CUX1: variants seen among roughly 807,000 people sequenced by gnomAD.
CUX1 encodes cut like homeobox 1, also known as protein CASP.
Under a neutral mutation model 158.8 loss-of-function variants are expected in CUX1, and 31 were observed. That is an observed-to-expected ratio of 0.20 (90% CI 0.15 to 0.26). The LOEUF is 0.26. Among genes scored for constraint, CUX1 ranks in the 10% least tolerant of loss-of-function variants. CUX1 has a pLI of 1.00. For synonymous variants in CUX1, 879 were observed against 862.1 expected, an observed-to-expected ratio of 1.02 and a Z score of -0.34; for missense variants, 1,589 against 2,014.6, an observed-to-expected ratio of 0.79 and a Z score of 4.04.
chr7:101,875,728 G>T (rs1055436793), intron 1 of CUX1, among the ~76,000 whole-genome samples: 1 of 152,144 alleles, frequency 6.6e-6, no homozygotes, highest in Non-Finnish European at 1.5e-5. Context: ...TGCCCCTTCC[G>T]GGAGCTCTGC....
Position 102,249,079 on chromosome 7 carries a change from C to T in CUX1, c.*37C>T, listed in dbSNP as rs1194868768. 7.2e-6 allele frequency: 9 copies of T among 1,250,710 alleles called. No homozygotes were observed. Among genetic ancestry groups the T allele is most frequent in the Non-Finnish European group, 8.1e-6 (8 of 990,398 alleles). 77.5% of individuals were successfully genotyped at this position (1,250,710 alleles called of 1,614,324 possible). ...CCTGGGGCGGGCAGCCAGGCTGGGC[C>T]GCAAGGGCCTGGACGGGGTCGGACG... On this transcript the variant is annotated 3_prime_UTR_variant, in exon 24 of 24. Transcript: ENST00000292535.
chr7:102,222,809 A>ACCTTTTTTTTTTTT (rs1797939252), intron 20 of CUX1, among the ~76,000 whole-genome samples: 1 of 23,280 alleles, frequency 4.3e-5, no homozygotes, highest in African/African-American at 1.6e-4. Context: ...GGGGCACCGT[A>ACCTTTTTTTTTTTT]TCTTTTTTTT....
At chr7:102,219,093 C>T (rs1440804135) in intron 20 of CUX1, among the ~76,000 whole-genome samples, 1 of 151,426 alleles carries the variant, frequency 6.6e-6, no homozygotes, top group Non-Finnish European at 1.5e-5. Flanking sequence ...CACACACACA[C>T]ACTATGGCTA....
chr7:102,103,623 GC>G (rs1830016249), intron 5 of CUX1, among the ~76,000 whole-genome samples: 1 of 152,078 alleles, frequency 6.6e-6, no homozygotes, highest in South Asian at 2.1e-4. Context: ...TTTTGTAGAG[GC>G]GGGGCTCGCT....
At chr7:101,836,411 C>T (rs937017664) in intron 1 of CUX1, among the ~76,000 whole-genome samples, 2 of 151,824 alleles carry the variant, frequency 1.3e-5, no homozygotes, top group African/African-American at 4.8e-5. Context: ...CCCATCTCTA[C>T]AAAAAAAATG....
intron 11 of CUX1, among the ~76,000 whole-genome samples, chr7:102,182,355 A>C (rs1279179308): frequency 6.6e-6 from 1 of 152,224 alleles, no homozygotes; most frequent in Non-Finnish European, 1.5e-5. Context: ...CTGTAGTTGG[A>C]TATATCAGAG....
chr7:102,185,595 G>GT (rs1554515027), intron 11 of CUX1, among the ~76,000 whole-genome samples: 86 of 149,266 alleles, frequency 5.8e-4, no homozygotes, highest in South Asian at 1.1e-3. Context: ...AATGTTTTGG[G>GT]GTTTTTTTTT....
At position 102,256,095 on chromosome 7, in the gene CUX1, C is replaced by T. The variant is rs1554541911; in HGVS notation, c.*7053C>T. 1.0e-6 allele frequency: 1 copy of T among 985,376 alleles called. No individual in the cohort carries two copies. The highest frequency in any genetic ancestry group is 1.2e-6 in the Non-Finnish European group (1 of 829,968). The allele number at this position is 985,376 out of a possible 1,614,324, so 61.0% of individuals were successfully genotyped here. A position where few individuals can be genotyped will look rare whatever the true frequency, so the allele number is the denominator to read the frequency against. On this transcript the variant is annotated 3_prime_UTR_variant, in exon 24 of 24. Transcript: ENST00000292535. ...AGTCTCCCAGCCTGCCTCTTGGTGA[C>T]CACTGTGCTGGGCGTGCAGGGCCCG...
chr7:101,927,436 C>A (rs1365166253), intron 2 of CUX1, among the ~76,000 whole-genome samples: 2 of 151,956 alleles, frequency 1.3e-5, no homozygotes, highest in Middle Eastern at 3.2e-3. Flanking sequence ...GGTGGGAGGA[C>A]TGCTTGAGAC....
At chr7:102,038,686 C>A (rs1347591072) in intron 3 of CUX1, among the ~76,000 whole-genome samples, 1 of 152,162 alleles carries the variant, frequency 6.6e-6, no homozygotes, top group East Asian at 1.9e-4. Context: ...GGTGCGGTGG[C>A]TCATGCCTGT....
At chr7:101,975,330 A>C (rs1157938754) in intron 2 of CUX1, among the ~76,000 whole-genome samples, 1 of 151,870 alleles carries the variant, frequency 6.6e-6, no homozygotes, top group Non-Finnish European at 1.5e-5. Flanking sequence ...AGGCTAAGGC[A>C]GGAGGAGCTT....
At chr7:102,226,353 G>C (rs1798346425) in intron 20 of CUX1, among the ~76,000 whole-genome samples, 1 of 152,136 alleles carries the variant, frequency 6.6e-6, no homozygotes, top group African/African-American at 2.4e-5. Context: ...GAAGAGCTGG[G>C]GAAACAGGGT....
chr7:102,282,980 C>A, intron 22 of CUX1: 3 of 1,519,496 alleles, frequency 2.0e-6, no homozygotes, highest in Non-Finnish European at 2.7e-6. Context: ...CCTTCCCCAA[C>A]ACACACACTC....
At chr7:102,195,030 T>C (rs929488566) in intron 13 of CUX1, among the ~76,000 whole-genome samples, 1 of 150,524 alleles carries the variant, frequency 6.6e-6, no homozygotes, top group South Asian at 2.1e-4. Flanking sequence ...TCTCAAAAAA[T>C]TAAAAAATCA....
intron 15 of CUX1, among the ~76,000 whole-genome samples, chr7:102,197,807 A>T (rs756773539): frequency 1.6e-4 from 24 of 151,924 alleles, no homozygotes; most frequent in Non-Finnish European, 3.1e-4. Context: ...TCCCATGGCC[A>T]CCTTCCCTAC....
At chr7:102,115,122 G>A in intron 7 of CUX1, 85 bp from the exon 8 acceptor site, 1 of 1,169,640 alleles carries the variant, frequency 8.5e-7, no homozygotes, top group Non-Finnish European at 1.2e-6. Flanking sequence ...AGAAATCTTT[G>A]CCTCTTTTGA....
intron 8 of CUX1, among the ~76,000 whole-genome samples, chr7:102,140,330 T>C (rs1834306925): frequency 6.6e-6 from 1 of 152,042 alleles, no homozygotes; most frequent in Non-Finnish European, 1.5e-5. Context: ...CACTGCAACC[T>C]CCACCTCCGG....
At chr7:101,897,324 GCCT>G (rs1010407897) in intron 1 of CUX1, among the ~76,000 whole-genome samples, 9 of 152,044 alleles carry the variant, frequency 5.9e-5, no homozygotes, top group African/African-American at 1.7e-4. Context: ...ACATATCGAG[GCCT>G]CATTTCTACA....
chr7:102,070,258 A>C, intron 3 of CUX1, 81 bp from the exon 4 acceptor site: 1 of 1,184,770 alleles, frequency 8.4e-7, no homozygotes, highest in Non-Finnish European at 1.2e-6. Context: ...GGAATTCACT[A>C]GATGTGTAAT....
Sources: allele counts gnomAD v4.1 joint callset (sites outside exome capture counted in the v4.1 genomes callset), GRCh38; gene constraint gnomAD v4.1.1; transcripts MANE v1.5; gene names NCBI Gene and HGNC (gene_info 2026-07-23, HGNC 2026-07-21).